OPCML: variants seen among roughly 807,000 people sequenced by gnomAD.
OPCML encodes opioid binding protein/cell adhesion molecule like.
A neutral mutation model predicts 37.8 loss-of-function variants in OPCML; 13 were observed. The observed-to-expected ratio is 0.34, with a 90% CI of 0.22 to 0.55. The LOEUF (loss-of-function observed/expected upper bound fraction) is 0.55, where lower values mean the gene tolerates loss of function less well. Among genes scored for constraint, OPCML ranks in the 20% least tolerant of loss-of-function variants. The pLI is 0.91. For missense variants in OPCML, 341 were observed against 435.6 expected (o/e 0.78, Z 1.93); for synonymous variants, 176 against 168.8 (o/e 1.04, Z -0.33).
chr11:133,416,435 T>C (rs1465825065), intron 1 of OPCML, among the ~76,000 whole-genome samples: 1 of 152,226 alleles, frequency 6.6e-6, no homozygotes, highest in Non-Finnish European at 1.5e-5. Context: ...GGACTAACTC[T>C]GCCTCATGGC....
At chr11:132,635,448 T>C (rs1940430442) in intron 3 of OPCML, among the ~76,000 whole-genome samples, 2 of 151,678 alleles carry the variant, frequency 1.3e-5, no homozygotes, top group Non-Finnish European at 2.9e-5. Flanking sequence ...TCAAAGCATA[T>C]GATTTAGAAA....
chr11:132,807,194 G>C, intron 2 of OPCML, among the ~76,000 whole-genome samples: 1 of 152,034 alleles, frequency 6.6e-6, no homozygotes, highest in East Asian at 1.9e-4. Flanking sequence ...CAATGAACTA[G>C]AAAACACACA....
intron 2 of OPCML, among the ~76,000 whole-genome samples, chr11:132,824,581 A>T (rs77850157): frequency 0.019 from 2,961 of 152,088 alleles, 89 homozygotes; most frequent in African/African-American, 0.065. Flanking sequence ...TCTTGAGCAC[A>T]CCCCATCATC....
chr11:133,024,886 A>G (rs1010591831), intron 1 of OPCML: 18 of 985,338 alleles, frequency 1.8e-5, no homozygotes, highest in Non-Finnish European at 2.0e-5. Context: ...TTTCCAAAAT[A>G]GAGTGCATAA....
intron 2 of OPCML, among the ~76,000 whole-genome samples, chr11:132,878,767 T>A (rs1943119427): frequency 6.6e-6 from 1 of 152,226 alleles, no homozygotes; most frequent in Admixed American, 6.5e-5. Context: ...ATTGGTTTTA[T>A]TTCTCTAAAA....
At chr11:133,242,756 A>ACT (rs1940776579) in intron 1 of OPCML, among the ~76,000 whole-genome samples, 1 of 152,186 alleles carries the variant, frequency 6.6e-6, no homozygotes, top group Non-Finnish European at 1.5e-5. Context: ...TCAGTCCATA[A>ACT]CAGGATTCCT....
intron 4 of OPCML, among the ~76,000 whole-genome samples, chr11:132,448,929 T>C (rs556197618): frequency 1.3e-5 from 2 of 152,350 alleles, no homozygotes; most frequent in South Asian, 4.1e-4. Context: ...CATTTTAATG[T>C]TTTATAACCT....
At chr11:132,596,068 G>A (rs1045726398) in intron 3 of OPCML, among the ~76,000 whole-genome samples, 1 of 152,178 alleles carries the variant, frequency 6.6e-6, no homozygotes, top group African/African-American at 2.4e-5. Flanking sequence ...GTGTGACAGT[G>A]AGCAAGCAAT....
chr11:133,393,399 G>A (rs1945217191), intron 1 of OPCML, among the ~76,000 whole-genome samples: 2 of 152,184 alleles, frequency 1.3e-5, no homozygotes, highest in Non-Finnish European at 2.9e-5. Context: ...TGTTTGAGGT[G>A]ACCTTATAGA....
chr11:133,130,537 C>T lies in OPCML; in HGVS notation c.62-187527G>A, dbSNP rs1328081343. 6.6e-5 allele frequency among the ~76,000 whole-genome samples: 10 copies of T among 152,008 alleles called. No homozygotes were observed. The East Asian group carries it at 9.6e-4, about 15-fold the overall frequency. On this transcript the variant is annotated intron_variant, in intron 1 of 7. Coordinates refer to ENST00000524381, the MANE Select transcript of OPCML (RefSeq NM_001012393.5). ...CAAAGACCTAAATAAATTGATATTT[C>T]GTGTTCATAGATAGAAAGACAATAT... is the stretch of plus-strand genomic sequence containing the variant.
intron 4 of OPCML, among the ~76,000 whole-genome samples, chr11:132,512,055 G>T (rs1035328205): frequency 2.0e-5 from 3 of 151,992 alleles, no homozygotes; most frequent in Non-Finnish European, 2.9e-5. Context: ...ACAGTCAGAA[G>T]ATTTCAACCA....
intron 1 of OPCML, among the ~76,000 whole-genome samples, chr11:133,183,647 T>C (rs574663806): frequency 6.6e-6 from 1 of 152,318 alleles, no homozygotes; most frequent in South Asian, 2.1e-4. Context: ...TGTGAGATCA[T>C]GGTCATGTTA....
intron 1 of OPCML, among the ~76,000 whole-genome samples, chr11:133,464,805 C>T (rs766464315): frequency 2.0e-5 from 3 of 152,108 alleles, no homozygotes; most frequent in Non-Finnish European, 4.4e-5. Flanking sequence ...TGTACAAGAG[C>T]GGAGGCTGCT....
chr11:133,095,504 TG>T (rs2137060917), intron 1 of OPCML, among the ~76,000 whole-genome samples: 1 of 148,668 alleles, frequency 6.7e-6, no homozygotes, highest in South Asian at 2.2e-4. Context: ...AATGAGAAAA[TG>T]AAAGGATGGA....
intron 1 of OPCML, among the ~76,000 whole-genome samples, chr11:133,249,757 A>G (rs1261936663): frequency 1.3e-5 from 2 of 152,358 alleles, no homozygotes; most frequent in East Asian, 3.9e-4. Context: ...CAATTCCATC[A>G]GCATTAAGTG....
chr11:132,756,123 T>C (rs1310615784), intron 2 of OPCML, among the ~76,000 whole-genome samples: 4 of 152,212 alleles, frequency 2.6e-5, no homozygotes, highest in Admixed American at 2.6e-4. Flanking sequence ...GTGACGGCTG[T>C]GCAGTTGAAT....
intron 1 of OPCML, among the ~76,000 whole-genome samples, chr11:133,474,316 T>C (rs1214503259): frequency 6.6e-6 from 1 of 152,170 alleles, no homozygotes; most frequent in Non-Finnish European, 1.5e-5. Flanking sequence ...TAACACACAT[T>C]GTAAAAATCC....
intron 3 of OPCML, among the ~76,000 whole-genome samples, chr11:132,543,005 G>T (rs1248317434): frequency 6.6e-6 from 1 of 152,084 alleles, no homozygotes; most frequent in Non-Finnish European, 1.5e-5. Flanking sequence ...GAGGAAGATG[G>T]GATTTGGAAA....
At chr11:132,754,630 G>T (rs1945971934) in intron 2 of OPCML, among the ~76,000 whole-genome samples, 1 of 152,114 alleles carries the variant, frequency 6.6e-6, no homozygotes, top group South Asian at 2.1e-4. Context: ...CACATAATGA[G>T]AACTGGGAGA....
Sources: gnomAD v4.1 joint callset for allele counts (sites outside exome capture counted in the v4.1 genomes callset) on GRCh38, gnomAD v4.1.1 for gene constraint, MANE v1.5 for transcripts, NCBI Gene and HGNC (gene_info 2026-07-23, HGNC 2026-07-21) for gene names.